Variants in GPRIN2 observed in about 807,000 individuals in gnomAD.
The protein encoded by GPRIN2 is G protein regulated inducer of neurite outgrowth 2.
In GPRIN2, 1 loss-of-function variant was observed where a neutral mutation model predicts 0.3. The observed-to-expected ratio is 3.90, with a 90% CI of 1.39 to 18.51. The LOEUF is 18.51. GPRIN2 is among the 30% of genes most tolerant of loss of function. GPRIN2 has a pLI of 0.11. For missense variants in GPRIN2, 880 were observed against 604.2 expected, an observed-to-expected ratio of 1.46 and a Z score of -4.79; for synonymous variants, 361 against 258.6, an observed-to-expected ratio of 1.40 and a Z score of -3.80.
In GPRIN2 at chr10:46,547,614, TGA is replaced by T. The variant is rs1158883600; in HGVS notation, c.*1744_*1745del. On this transcript the variant is annotated 3_prime_UTR_variant, in exon 3 of 3. Transcript: ENST00000374314. ...GACCCTACTTAGCTATGGCCCTGTGTGAAAGGTCCCTCCCCATGCACCCACAG... is the reference window on the plus strand; with the variant it reads ...GACCCTACTTAGCTATGGCCCTGTGTAAGGTCCCTCCCCATGCACCCACAG... Among the ~76,000 whole-genome samples the T allele has an allele frequency of 1.3e-5, 2 of 152,306 alleles. No individual in the cohort carries two copies. Among genetic ancestry groups the T allele is most frequent in the African/African-American group, 4.8e-5 (2 of 41,484 alleles).
chr10:46,550,263 T>G lies in GPRIN2; in HGVS notation c.474A>C (p.Pro158=). ...SSPVHRAQLQ[P]GGTSGQGGQA... Reference sequence around the variant, plus strand: ...GGCCACCCTGGCCAGAAGTACCACCTGGCTGCAGCTGAGCCCTGTGGACAG... The same window carrying G: ...GGCCACCCTGGCCAGAAGTACCACCGGGCTGCAGCTGAGCCCTGTGGACAG... Residue 158 remains proline, a synonymous_variant, in exon 3 of 3, where the codon CCA becomes CCC. Transcript: ENST00000374314. 1.2e-6 allele frequency: 2 copies of G among 1,611,068 alleles called. No individual in the cohort carries two copies. The highest frequency in any genetic ancestry group is 1.7e-6 in the Non-Finnish European group (2 of 1,178,434).
chr10:46,542,948 A>G lies in GPRIN2; in HGVS notation c.*6412T>C, dbSNP rs1185644159. 6.6e-6 allele frequency among the ~76,000 whole-genome samples: 1 copy of G among 152,422 alleles called. No homozygotes were observed. The highest frequency in any genetic ancestry group is 1.9e-4 in the East Asian group (1 of 5,190). On this transcript the variant is annotated 3_prime_UTR_variant, in exon 3 of 3. Coordinates refer to ENST00000374314, the MANE Select transcript of GPRIN2 (RefSeq NM_001385282.1). ...TCTCTAGCAGCCTAGCCAGCCAGCC[A>G]CCAACAAGGGCCACCAAAAGTTAGG...
At position 46,546,961 on chromosome 10, in the gene GPRIN2, G is replaced by A. The variant is rs1411082175; in HGVS notation, c.*2399C>T. Among the ~76,000 whole-genome samples the A allele has an allele frequency of 6.6e-6, 1 of 152,312 alleles. No individual in the cohort carries two copies. The highest frequency in any genetic ancestry group is 2.4e-5 in the African/African-American group (1 of 41,488). On this transcript the variant is annotated 3_prime_UTR_variant, in exon 3 of 3. Coordinates refer to ENST00000374314, the MANE Select transcript of GPRIN2 (RefSeq NM_001385282.1). Reference sequence around the variant, plus strand: ...CATCCTGGCAAGCCAGGGCAGCATGGAGGTAGCACAGAGTGGCACCCAGCC... The same window carrying A: ...CATCCTGGCAAGCCAGGGCAGCATGAAGGTAGCACAGAGTGGCACCCAGCC...
chr10:46,550,041 A>C lies in GPRIN2; in HGVS notation c.696T>G (p.Ala232=), dbSNP rs1832504043. The C allele has an allele frequency of 1.3e-6, 2 of 1,493,888 alleles. No individual in the cohort carries two copies. The highest frequency in any genetic ancestry group is 1.8e-6 in the Non-Finnish European group (2 of 1,114,718). 92.5% of individuals were successfully genotyped at this position (1,493,888 alleles called of 1,614,324 possible). A position where few individuals can be genotyped will look rare whatever the true frequency, so the allele number is the denominator to read the frequency against. ...CCTCCCTCATGCCACAGAGTAGAGC[A>C]GCTGGGGGCAGAGCATGGCAGGTGG... ...ATTTCHALPP[A]ALLCGMREVR... Residue 232 remains alanine (A), a synonymous_variant, in exon 3 of 3, where the codon GCT becomes GCG. Coordinates refer to ENST00000374314, the MANE Select transcript of GPRIN2 (RefSeq NM_001385282.1).
rs1297605548 is a variant in GPRIN2, at chr10:46,542,277, G to T, written c.*7083C>A. Among the ~76,000 whole-genome samples the T allele has an allele frequency of 6.6e-6, 1 of 152,312 alleles. No individual in the cohort carries two copies. The highest frequency in any genetic ancestry group is 2.4e-5 in the African/African-American group (1 of 41,488). On this transcript the variant is annotated 3_prime_UTR_variant, in exon 3 of 3. Coordinates refer to ENST00000374314, the MANE Select transcript of GPRIN2 (RefSeq NM_001385282.1). Reference sequence around the variant, plus strand: ...GCCCCAACAGAGGCTCCCTGCTTGGGCCTTGCTCAGGCCTGGGAGGGTGAT... The same window carrying T: ...GCCCCAACAGAGGCTCCCTGCTTGGTCCTTGCTCAGGCCTGGGAGGGTGAT...
chr10:46,550,015 A>G lies in GPRIN2; in HGVS notation c.722T>C (p.Val241Ala). 2 of 1,614,030 alleles carry G rather than the reference A, an allele frequency of 1.2e-6. No individual in the cohort carries two copies. The highest frequency in any genetic ancestry group is 2.2e-5 in the South Asian group (2 of 91,080). ...PAALLCGMREVRAGGCCHALP... is the reference protein window; with the variant it reads ...PAALLCGMREARAGGCCHALP... ...GGCATGGCAGCAGCCACCAGCCCTC[A>G]CCTCCCTCATGCCACAGAGTAGAGC... The change falls in exon 3 of 3, where the codon GTG becomes GCG. Residue 241 changes from valine (V) to alanine (A), a missense_variant. Transcript: ENST00000374314.
chr10:46,543,001 C>T lies in GPRIN2; in HGVS notation c.*6359G>A, dbSNP rs1213878238. Among the ~76,000 whole-genome samples the T allele has an allele frequency of 1.3e-5, 2 of 152,310 alleles. No individual in the cohort carries two copies. Among genetic ancestry groups the T allele is most frequent in the South Asian group, 2.1e-4 (1 of 4,838 alleles). On this transcript the variant is annotated 3_prime_UTR_variant, in exon 3 of 3. Transcript: ENST00000374314. ...TGATGGGGTGCCCTTCCAGCCCGAC[C>T]AAAGTCCTTCCATTCACCCAGCAGG...
rs1841909423 is a variant in GPRIN2, at chr10:46,543,581, G to C, written c.*5779C>G. On this transcript the variant is annotated 3_prime_UTR_variant, in exon 3 of 3. Coordinates refer to ENST00000374314, the MANE Select transcript of GPRIN2 (RefSeq NM_001385282.1). ...TCTGTCTTTTCTCAGGAAAGCTGCA[G>C]GGAAATGAAAAGCTCCAGGCAGGAC... 6.6e-6 allele frequency among the ~76,000 whole-genome samples: 1 copy of C among 152,302 alleles called. No individual in the cohort carries two copies. Among genetic ancestry groups the C allele is most frequent in the South Asian group, 2.1e-4 (1 of 4,836 alleles).
Position 46,543,825 on chromosome 10 carries a change from G to A in GPRIN2, c.*5535C>T, listed in dbSNP as rs1487367646. Among the ~76,000 whole-genome samples, 5 of 152,312 alleles carry A rather than the reference G, an allele frequency of 3.3e-5. No individual in the cohort carries two copies. Among genetic ancestry groups the A allele is most frequent in the South Asian group, 2.1e-4 (1 of 4,838 alleles). ...GCTGGGCTATCTCGGGCTTGGAGTG[G>A]GAGAAGCCAGGCAGGAGTCCTGGAG... On this transcript the variant is annotated 3_prime_UTR_variant, in exon 3 of 3. Coordinates refer to ENST00000374314, the MANE Select transcript of GPRIN2 (RefSeq NM_001385282.1).
chr10:46,549,712 A>G lies in GPRIN2; in HGVS notation c.1025T>C (p.Val342Ala). Residue 342 changes from valine to alanine, a missense_variant, in exon 3 of 3, where the codon GTG becomes GCG. Transcript: ENST00000374314. The part of the protein sequence containing the change: ...AQDAGVQAAP[V>A]AACKAVATSP... Reference sequence around the variant, plus strand: ...GGTGGCCACAGCCTTGCAGGCCGCCACTGGGGCCGCCTGCACACCAGCATC... The same window carrying G: ...GGTGGCCACAGCCTTGCAGGCCGCCGCTGGGGCCGCCTGCACACCAGCATC... 6.2e-7 allele frequency: 1 copy of G among 1,613,996 alleles called. No individual in the cohort carries two copies. Among genetic ancestry groups the G allele is most frequent in the Non-Finnish European group, 8.5e-7 (1 of 1,179,916 alleles).
rs1832569625 is a variant in GPRIN2 at position 46,549,864 on chromosome 10, A to G, written c.873T>C (p.His291=). Residue 291 remains histidine, a synonymous_variant, in exon 3 of 3, where the codon CAT becomes CAC. Transcript: ENST00000374314. ...RLSGGLPGHS[H]CCAHLWGPAG... is the part of the protein sequence containing the mutation. ...CGGGACCCCAAAGGTGGGCACAGCA[A>G]TGGGAATGCCCAGGGAGCCCCCCAG... is the stretch of plus-strand genomic sequence containing the variant. 2.5e-6 allele frequency: 4 copies of G among 1,614,158 alleles called. No homozygotes were observed. The African/African-American group carries it at 5.3e-5, about 22-fold the overall frequency.
chr10:46,549,719 C>T lies in GPRIN2; in HGVS notation c.1018G>A (p.Ala340Thr), dbSNP rs1832615286. 1.2e-6 allele frequency: 2 copies of T among 1,614,080 alleles called. No homozygotes were observed. The highest frequency in any genetic ancestry group is 2.2e-5 in the East Asian group (1 of 44,896). ...ACAGCCTTGCAGGCCGCCACTGGGG[C>T]CGCCTGCACACCAGCATCCTGGGCT... ...LSAQDAGVQA[A>T]PVAACKAVAT... Residue 340 changes from alanine (A) to threonine (T), a missense_variant, in exon 3 of 3, where the codon GCC becomes ACC. Ala to Thr is a moderately conservative substitution (Grantham distance 58). Transcript: ENST00000374314.
intron 2 of GPRIN2, among the ~76,000 whole-genome samples, chr10:46,554,338 C>T (rs1832000441): frequency 1.3e-5 from 2 of 152,424 alleles, no homozygotes; most frequent in East Asian, 3.9e-4. Flanking sequence ...CATCAGTGTC[C>T]CCAGTCTCCC....
At chr10:46,553,632 C>T (rs1842852419) in intron 2 of GPRIN2, among the ~76,000 whole-genome samples, 1 of 152,422 alleles carries the variant, frequency 6.6e-6, no homozygotes, top group South Asian at 2.1e-4. Context: ...GCCTGTCTCA[C>T]CAGAGGGCTG....
chr10:46,547,930 C>T lies in GPRIN2; in HGVS notation c.*1430G>A, dbSNP rs1013763575. ...CCTTGTGGCCTGTTGAAATGCCACTCCTGCTTTACAAATTCACCAACTGTT... is the reference window on the plus strand; with the variant it reads ...CCTTGTGGCCTGTTGAAATGCCACTTCTGCTTTACAAATTCACCAACTGTT... On this transcript the variant is annotated 3_prime_UTR_variant, in exon 3 of 3. Coordinates refer to ENST00000374314, the MANE Select transcript of GPRIN2 (RefSeq NM_001385282.1). Among the ~76,000 whole-genome samples the T allele has an allele frequency of 1.3e-5, 2 of 152,310 alleles. No individual in the cohort carries two copies. Among genetic ancestry groups the T allele is most frequent in the African/African-American group, 4.8e-5 (2 of 41,486 alleles).
In GPRIN2 at chr10:46,548,126, G is replaced by T; in HGVS notation, c.*1234C>A. Among the ~76,000 whole-genome samples, 1 of 152,312 alleles carries T rather than the reference G, an allele frequency of 6.6e-6. No homozygotes were observed. The highest frequency in any genetic ancestry group is 1.5e-5 in the Non-Finnish European group (1 of 68,058). On this transcript the variant is annotated 3_prime_UTR_variant, in exon 3 of 3. Transcript: ENST00000374314. Reference sequence around the variant, plus strand: ...TGGTCCCTCACACGGGTGGATTGGGGGGCTGTGTCACGGGATCTTAGGATC... The same window carrying T: ...TGGTCCCTCACACGGGTGGATTGGGTGGCTGTGTCACGGGATCTTAGGATC...
intron 2 of GPRIN2, among the ~76,000 whole-genome samples, chr10:46,552,714 G>A (rs1202159018): frequency 2.0e-5 from 3 of 152,310 alleles, no homozygotes; most frequent in African/African-American, 2.4e-5. Flanking sequence ...TACTGCAACT[G>A]AGACACTGAA....
At chr10:46,555,010 AG>A (rs1335415064) in intron 1 of GPRIN2, among the ~76,000 whole-genome samples, 2 of 152,308 alleles carry the variant, frequency 1.3e-5, no homozygotes, top group Admixed American at 6.5e-5. Flanking sequence ...ACAATGGCTC[AG>A]TCTCGGCTCA....
chr10:46,543,488 C>T lies in GPRIN2; in HGVS notation c.*5872G>A, dbSNP rs1329738542. 6.6e-6 allele frequency among the ~76,000 whole-genome samples: 1 copy of T among 152,310 alleles called. No homozygotes were observed. On this transcript the variant is annotated 3_prime_UTR_variant, in exon 3 of 3. Coordinates refer to ENST00000374314, the MANE Select transcript of GPRIN2 (RefSeq NM_001385282.1). Reference sequence around the variant, plus strand: ...GACCAGCAGAGGTCCCCCGACTGTCCTTGGCTGTGTGCACACAGAGGTGCT... The same window carrying T: ...GACCAGCAGAGGTCCCCCGACTGTCTTTGGCTGTGTGCACACAGAGGTGCT...
Sources: gnomAD v4.1 joint callset for allele counts (sites outside exome capture counted in the v4.1 genomes callset) on GRCh38, gnomAD v4.1.1 for gene constraint, MANE v1.5 for transcripts, NCBI Gene and HGNC (gene_info 2026-07-23, HGNC 2026-07-21) for gene names.